Variants in DGLUCY observed in about 807,000 individuals in gnomAD.
The protein encoded by DGLUCY is D-glutamate cyclase.
A neutral mutation model predicts 58.5 loss-of-function variants in DGLUCY; 58 were observed. The ratio of observed to expected loss-of-function variants is 0.99; its 90% CI spans 0.80 to 1.23. The LOEUF is 1.23. Among genes scored for constraint, DGLUCY ranks in the 50% most tolerant of loss-of-function variants. The pLI is 0.00. For synonymous variants in DGLUCY, 325 were observed against 314.1 expected, an observed-to-expected ratio of 1.03 and a Z score of -0.37; for missense variants, 779 against 784.7, an observed-to-expected ratio of 0.99 and a Z score of 0.09.
At chr14:91,163,012 C>T (rs749559042) in intron 3 of DGLUCY, among the ~76,000 whole-genome samples, 10 of 152,128 alleles carry the variant, frequency 6.6e-5, no homozygotes, top group Admixed American at 1.3e-4. Context: ...AATCCCAGCA[C>T]TTTGGGAGGC....
chr14:91,150,368 G>T (rs1318932814), intron 1 of DGLUCY, among the ~76,000 whole-genome samples: 1 of 152,114 alleles, frequency 6.6e-6, no homozygotes, highest in Non-Finnish European at 1.5e-5. Flanking sequence ...CACTGAGTCT[G>T]GTGTGGTGCT....
rs776204731 is a variant in DGLUCY at position 91,167,228 on chromosome 14, T to C, written c.107T>C (p.Leu36Pro). The C allele has an allele frequency of 6.3e-7, 1 of 1,587,442 alleles. No homozygotes were observed. Among genetic ancestry groups the C allele is most frequent in the Admixed American group, 2.0e-5 (1 of 50,800 alleles). The change falls in exon 4 of 14, where the codon CTC (leucine) becomes CCC (proline). Residue 36 changes from leucine to proline, a missense_variant. Leu to Pro is a moderately conservative substitution (Grantham distance 98). Coordinates refer to ENST00000256324, the MANE Select transcript of DGLUCY (RefSeq NM_001102368.3). ...TCCCTTCTCCCACCATACCCAGAGC[T>C]CCGACCAGCCAGCCTGGTGGTCCTG... ...IRNTSSMAGE[L>P]RPASLVVLPR...
rs1277163912 is a variant in DGLUCY, at chr14:91,181,217, C to G, written c.762C>G (p.Gly254=). ...ETPLAFASIP[G]CTVMTDLKDA... ...CACTGGCTTTTGCCAGCATCCCAGG[C>G]TGCACAGTTATGACTGACCTGAAGG... Residue 254 remains glycine (G), a synonymous_variant, in exon 8 of 14, where the codon GGC becomes GGG. Transcript: ENST00000256324. 1 of 1,614,066 alleles carries G rather than the reference C, an allele frequency of 6.2e-7. No homozygotes were observed. The highest frequency in any genetic ancestry group is 8.5e-7 in the Non-Finnish European group (1 of 1,180,054).
intron 1 of DGLUCY, among the ~76,000 whole-genome samples, chr14:91,140,409 A>C (rs866903978): frequency 1.2e-4 from 18 of 152,112 alleles, no homozygotes; most frequent in African/African-American, 3.9e-4. Context: ...CGGTGGCTCA[A>C]GCCTGTAACC....
intron 13 of DGLUCY, among the ~76,000 whole-genome samples, chr14:91,218,534 C>T (rs904499052): frequency 2.0e-5 from 3 of 151,844 alleles, no homozygotes; most frequent in African/African-American, 7.3e-5. Context: ...TGCCAAGTAG[C>T]TGGGATTACA....
chr14:91,083,011 G>A (rs565278899), intron 1 of DGLUCY, among the ~76,000 whole-genome samples: 1 of 152,100 alleles, frequency 6.6e-6, no homozygotes, highest in Non-Finnish European at 1.5e-5. Flanking sequence ...TCCTGCGTTG[G>A]CCTCCAAAAA....
chr14:91,144,581 G>A (rs2046915558), intron 1 of DGLUCY, among the ~76,000 whole-genome samples: 1 of 152,092 alleles, frequency 6.6e-6, no homozygotes. Flanking sequence ...AGTCATGGGA[G>A]TCATCCTGAT....
chr14:91,179,208 C>T (rs1476989156), intron 7 of DGLUCY, among the ~76,000 whole-genome samples: 1 of 152,120 alleles, frequency 6.6e-6, no homozygotes, highest in East Asian at 1.9e-4. Flanking sequence ...ATAGTAATGA[C>T]ACTGAGGAAG....
chr14:91,174,119 A>G (rs988129968), intron 6 of DGLUCY, among the ~76,000 whole-genome samples: 3 of 151,916 alleles, frequency 2.0e-5, no homozygotes, highest in African/African-American at 7.3e-5. Flanking sequence ...TGCTCATGTA[A>G]TGAAGCCTCC....
At position 91,069,626 on chromosome 14, in the gene DGLUCY, A is replaced by G. The variant is rs137937985; in HGVS notation, c.-82+8922A>G. ...TTACTTTCTATTTATGGCAAGTGATACTTTCTTTACTTTTCCTTCTTTTTT... is the reference window on the plus strand; with the variant it reads ...TTACTTTCTATTTATGGCAAGTGATGCTTTCTTTACTTTTCCTTCTTTTTT... On this transcript the variant is annotated intron_variant, in intron 1 of 4. Transcript: ENST00000521334. 2.0e-5 allele frequency among the ~76,000 whole-genome samples: 3 copies of G among 151,696 alleles called. No homozygotes were observed. In the East Asian group the frequency reaches 5.8e-4, roughly 30 times the overall value.
upstream of DGLUCY, among the ~76,000 whole-genome samples, chr14:91,105,250 C>T (rs1020619697): frequency 6.6e-6 from 1 of 151,846 alleles, no homozygotes; most frequent in Admixed American, 6.6e-5. Context: ...AGGAGGTGAA[C>T]GTTGCAGTGA....
At chr14:91,130,952 G>GT (rs937211707) in intron 1 of DGLUCY, among the ~76,000 whole-genome samples, 3 of 151,420 alleles carry the variant, frequency 2.0e-5, no homozygotes, top group Non-Finnish European at 4.4e-5. Context: ...TCAGTTTTAT[G>GT]TTTTTTTCTT....
chr14:91,143,145 G>A (rs1041292404), intron 1 of DGLUCY, among the ~76,000 whole-genome samples: 2 of 151,502 alleles, frequency 1.3e-5, no homozygotes, highest in Non-Finnish European at 2.9e-5. Flanking sequence ...GCCCAGGCTG[G>A]AGTGCAGTGG....
intron 1 of DGLUCY, among the ~76,000 whole-genome samples, chr14:91,095,523 G>A (rs1246424003): frequency 6.6e-6 from 1 of 152,174 alleles, no homozygotes; most frequent in Non-Finnish European, 1.5e-5. Flanking sequence ...TCCTGGTAGA[G>A]TCAAGCCTCT....
intron 13 of DGLUCY, among the ~76,000 whole-genome samples, chr14:91,222,420 G>A (rs892196269): frequency 6.6e-6 from 1 of 152,206 alleles, no homozygotes; most frequent in Non-Finnish European, 1.5e-5. Context: ...CCCATAAAGA[G>A]AGGATATGAC....
At chr14:91,067,767 C>T (rs770692309) in intron 1 of DGLUCY, among the ~76,000 whole-genome samples, 2 of 152,056 alleles carry the variant, frequency 1.3e-5, no homozygotes, top group African/African-American at 4.8e-5. Flanking sequence ...CCAGGCTGGT[C>T]TCGAACTCCT....
At chr14:91,076,091 TGACAGAGTGA>T (rs969672766) in intron 1 of DGLUCY, among the ~76,000 whole-genome samples, 18 of 149,232 alleles carry the variant, frequency 1.2e-4, no homozygotes, top group Admixed American at 3.4e-4. Flanking sequence ...CCAGCCTGGG[TGACAGAGTGA>T]GACTCTGTCT....
At chr14:91,067,244 A>AT (rs2043839233) in intron 1 of DGLUCY, among the ~76,000 whole-genome samples, 1 of 152,176 alleles carries the variant, frequency 6.6e-6, no homozygotes, top group Non-Finnish European at 1.5e-5. Context: ...GAACCAAAAA[A>AT]AAAAACACTT....
At chr14:91,172,365 C>T (rs1013189945) in intron 5 of DGLUCY, among the ~76,000 whole-genome samples, 2 of 152,204 alleles carry the variant, frequency 1.3e-5, no homozygotes, top group African/African-American at 4.8e-5. Flanking sequence ...AGGCATGAAC[C>T]ACTGTGCCCA....
Sources: allele counts gnomAD v4.1 joint callset (sites outside exome capture counted in the v4.1 genomes callset), GRCh38; gene constraint gnomAD v4.1.1; transcripts MANE v1.5; gene names NCBI Gene and HGNC (gene_info 2026-07-23, HGNC 2026-07-21).